Variants in CCDC171 observed in about 807,000 individuals in gnomAD.
CCDC171 encodes coiled-coil domain-containing protein 171.
In CCDC171, 177 loss-of-function variants were observed where a neutral mutation model predicts 168.2. That is an observed-to-expected ratio of 1.05 (90% CI 0.93 to 1.19). The LOEUF is 1.19. CCDC171 is among the 50% of genes most tolerant of loss of function. CCDC171 has a pLI of 0.00. For missense variants in CCDC171, 1,991 were observed against 1,539.0 expected, an observed-to-expected ratio of 1.29 and a Z score of -4.91; for synonymous variants, 687 against 540.8, an observed-to-expected ratio of 1.27 and a Z score of -3.75.
chr9:15,840,777 CT>C (rs111287672), intron 21 of CCDC171, among the ~76,000 whole-genome samples: 6,111 of 151,054 alleles, frequency 0.04, 273 homozygotes, highest in African/African-American at 0.1. Context: ...TACTATCCTC[CT>C]TTTTTTTTGT....
intron 23 of CCDC171, among the ~76,000 whole-genome samples, chr9:15,864,605 A>T (rs2061697045): frequency 6.6e-6 from 1 of 152,032 alleles, no homozygotes. Flanking sequence ...AGCTTCTCCA[A>T]ATGTGCCTAA....
chr9:15,676,947 A>G (rs1029416984), intron 9 of CCDC171, among the ~76,000 whole-genome samples: 3 of 152,154 alleles, frequency 2.0e-5, no homozygotes, highest in African/African-American at 7.2e-5. Flanking sequence ...ATTATACATG[A>G]TAAAATAATA....
intron 10 of CCDC171, among the ~76,000 whole-genome samples, chr9:15,692,773 C>T (rs1226168767): frequency 6.6e-6 from 1 of 151,424 alleles, no homozygotes; most frequent in South Asian, 2.1e-4. Context: ...GTGATCCACG[C>T]GCCTCGGCCT....
chr9:15,958,710 G>A (rs1830057461), intron 25 of CCDC171, among the ~76,000 whole-genome samples: 1 of 151,988 alleles, frequency 6.6e-6, no homozygotes, highest in South Asian at 2.1e-4. Flanking sequence ...GGAGAAAGCA[G>A]GGCATGCTTC....
At chr9:15,709,745 C>A (rs2052516772) in intron 11 of CCDC171, among the ~76,000 whole-genome samples, 1 of 152,100 alleles carries the variant, frequency 6.6e-6, no homozygotes, top group Non-Finnish European at 1.5e-5. Flanking sequence ...TTTTTTCTTA[C>A]TCCCAAGAGA....
chr9:15,603,062 A>C (rs1587336203), intron 6 of CCDC171, among the ~76,000 whole-genome samples: 1 of 149,544 alleles, frequency 6.7e-6, no homozygotes, highest in South Asian at 2.2e-4. Flanking sequence ...GCTCACTGCA[A>C]CCTCCACCTC....
At chr9:15,734,061 C>T (rs2054325603) in intron 16 of CCDC171, among the ~76,000 whole-genome samples, 1 of 152,142 alleles carries the variant, frequency 6.6e-6, no homozygotes, top group South Asian at 2.1e-4. Context: ...AAGCGTGAGC[C>T]ACTGTACCCA....
chr9:15,999,456 T>C (rs934935506), intron 3 of CCDC171, among the ~76,000 whole-genome samples: 1 of 151,874 alleles, frequency 6.6e-6, no homozygotes, highest in African/African-American at 2.4e-5. Flanking sequence ...AAAGAAAACC[T>C]GCTGACAGGG....
chr9:15,555,033 T>C (rs138917755), intron 1 of CCDC171, among the ~76,000 whole-genome samples: 32 of 152,278 alleles, frequency 2.1e-4, no homozygotes, highest in African/African-American at 7.5e-4. Context: ...GCATTTGGGA[T>C]GACCAACTGA....
chr9:15,593,993 A>G, intron 5 of CCDC171, 48 bp from the exon 6 acceptor site: 1 of 1,334,616 alleles, frequency 7.5e-7, no homozygotes, highest in Non-Finnish European at 1.0e-6. Flanking sequence ...ATGAAGGAAG[A>G]TAACTTTTAT....
intron 14 of CCDC171, among the ~76,000 whole-genome samples, chr9:15,725,272 T>A (rs564229789): frequency 6.6e-6 from 1 of 152,296 alleles, no homozygotes; most frequent in Non-Finnish European, 1.5e-5. Context: ...CTTTCAAGGT[T>A]CCTGTTTGCC....
At chr9:15,962,847 ATATGCATG>A in intron 25 of CCDC171, among the ~76,000 whole-genome samples, 1 of 151,478 alleles carries the variant, frequency 6.6e-6, no homozygotes, top group East Asian at 1.9e-4. Context: ...ATAGGGATAG[ATATGCATG>A]TATGTGTGTT....
chr9:16,106,537 C>G, the CCDC171 span, among the ~76,000 whole-genome samples: 1 of 152,202 alleles, frequency 6.6e-6, no homozygotes, highest in African/African-American at 2.4e-5. Flanking sequence ...TTTCCCAAGC[C>G]TGTAAACTGT....
the CCDC171 span, among the ~76,000 whole-genome samples, chr9:16,095,373 A>AT: frequency 6.6e-6 from 1 of 151,986 alleles, no homozygotes; most frequent in African/African-American, 2.4e-5. Context: ...AACAGATCTT[A>AT]TTTTCCACCA....
rs530036006 is a variant in CCDC171, at chr9:15,958,110, TCATC to T, written c.3754-13495_3754-13492del. 2.8e-3 allele frequency among the ~76,000 whole-genome samples: 420 copies of T among 150,628 alleles called. 2 individuals are homozygous for T. Among genetic ancestry groups the T allele is most frequent in the Middle Eastern group, 0.014 (4 of 294 alleles). On this transcript the variant is annotated intron_variant, in intron 25 of 25. Transcript: ENST00000380701. ...GATTAGAATAAGTCCATTAACTCAC[TCATC>T]CATTCATTCATTCATTCATTCATTC... is the stretch of plus-strand genomic sequence containing the variant.
At chr9:15,709,712 C>T (rs1029466914) in intron 11 of CCDC171, among the ~76,000 whole-genome samples, 44 of 152,068 alleles carry the variant, frequency 2.9e-4, no homozygotes, top group African/African-American at 9.9e-4. Context: ...CCTATAAGAG[C>T]AGAAATATGT....
intron 6 of CCDC171, among the ~76,000 whole-genome samples, chr9:15,601,819 CTT>C (rs1285451058): frequency 6.6e-6 from 1 of 152,130 alleles, no homozygotes; most frequent in Non-Finnish European, 1.5e-5. Context: ...TAAAATAGCT[CTT>C]TTATTTCTAA....
At chr9:15,989,842 A>G (rs1482263977) in intron 3 of CCDC171, among the ~76,000 whole-genome samples, 1 of 152,204 alleles carries the variant, frequency 6.6e-6, no homozygotes, top group Non-Finnish European at 1.5e-5. Flanking sequence ...TTGAAGATCA[A>G]ATGAATGAAA....
At chr9:15,599,718 C>G (rs142998892) in intron 6 of CCDC171, among the ~76,000 whole-genome samples, 1,729 of 152,248 alleles carry the variant, frequency 0.011, 56 homozygotes, top group African/African-American at 0.039. Context: ...TGGGGAAGTT[C>G]TCCTGGATAA....
Sources: gnomAD v4.1 joint callset for allele counts (sites outside exome capture counted in the v4.1 genomes callset) on GRCh38, gnomAD v4.1.1 for gene constraint, MANE v1.5 for transcripts, NCBI Gene and HGNC (gene_info 2026-07-23, HGNC 2026-07-21) for gene names.